The following PCSK5 variants were observed in gnomAD, a reference collection of about 807,000 sequenced individuals.
PCSK5 encodes proprotein convertase subtilisin/kexin type 5.
In PCSK5, 129 loss-of-function variants were observed where a neutral mutation model predicts 233.2. That is an observed-to-expected ratio of 0.55 (90% CI 0.48 to 0.64). PCSK5 has a LOEUF of 0.64. Ranked by LOEUF, PCSK5 falls within the 30% of genes least tolerant of loss-of-function variation. PCSK5 has a pLI of 0.00. For missense variants in PCSK5, 2,076 were observed against 2,430.1 expected, an observed-to-expected ratio of 0.85 and a Z score of 3.06; for synonymous variants, 825 against 879.2, an observed-to-expected ratio of 0.94 and a Z score of 1.09.
chr9:76,077,771 G>A (rs1332857646), intron 7 of PCSK5, among the ~76,000 whole-genome samples: 4 of 152,194 alleles, frequency 2.6e-5, no homozygotes, highest in African/African-American at 9.7e-5. Context: ...ATTCCATGGT[G>A]TATGTGTACC....
rs1564084546 is a variant in PCSK5 at position 76,178,796 on chromosome 9, G to T, written c.1901-800G>T. ...TCCAGAATATGGAGAACAAAGAAGAGAATTAAAAACTTCTATAACTAGCCC... is the reference window on the plus strand; with the variant it reads ...TCCAGAATATGGAGAACAAAGAAGATAATTAAAAACTTCTATAACTAGCCC... On this transcript the variant is annotated intron_variant, in intron 14 of 37. Transcript: ENST00000674117. 3.9e-5 allele frequency among the ~76,000 whole-genome samples: 6 copies of T among 152,140 alleles called. No individual in the cohort carries two copies. The South Asian group carries it at 1.0e-3, about 26-fold the overall frequency.
chr9:76,173,532 T>TTTTTTTTTTTTTTAA (rs1823429915), intron 13 of PCSK5, among the ~76,000 whole-genome samples: 1 of 110,784 alleles, frequency 9.0e-6, no homozygotes, highest in Admixed American at 1.0e-4. Flanking sequence ...TTTTTTTTTT[T>TTTTTTTTTTTTTTAA]ACTTTTTGCA....
chr9:75,937,821 C>G (rs1824126123), intron 2 of PCSK5, among the ~76,000 whole-genome samples: 1 of 152,210 alleles, frequency 6.6e-6, no homozygotes, highest in African/African-American at 2.4e-5. Flanking sequence ...AGCTTCTTTC[C>G]TTAAACCTCA....
chr9:76,328,836 TCTCA>T lies in PCSK5; in HGVS notation c.4570+602_4570+605del, dbSNP rs555951866. 5.9e-3 allele frequency among the ~76,000 whole-genome samples: 889 copies of T among 151,962 alleles called. 6 individuals are homozygous for T. Among genetic ancestry groups the T allele is most frequent in the African/African-American group, 0.019 (801 of 41,420 alleles). On this transcript the variant is annotated intron_variant, in intron 33 of 37. Coordinates refer to ENST00000674117, the MANE Select transcript of PCSK5 (RefSeq NM_001372043.1). ...TGTTTGTTTGTTTGTTGGGAAGGAG[TCTCA>T]CTCAGTTGCTCAGAGTGGAGTGCAG...
At chr9:76,189,607 A>C (rs1183911342) in intron 19 of PCSK5, 24 bp from the exon 20 acceptor site, 1 of 1,482,152 alleles carries the variant, frequency 6.7e-7, no homozygotes, top group South Asian at 1.1e-5. Context: ...GAATGGATTA[A>C]AAAATTGTAC....
intron 27 of PCSK5, 72 bp downstream of exon 27, chr9:76,296,937 G>GT (rs962683756): frequency 3.4e-5 from 32 of 953,836 alleles, no homozygotes; most frequent in Non-Finnish European, 4.0e-5. Flanking sequence ...TATAACTCTG[G>GT]TTTTTTTAGT....
intron 2 of PCSK5, among the ~76,000 whole-genome samples, chr9:75,947,109 G>A (rs1824611944): frequency 6.6e-6 from 1 of 152,190 alleles, no homozygotes; most frequent in South Asian, 2.1e-4. Context: ...GAATGATGAT[G>A]AGAATAATAA....
At chr9:76,043,721 A>G (rs1023084715) in intron 5 of PCSK5, among the ~76,000 whole-genome samples, 2 of 152,162 alleles carry the variant, frequency 1.3e-5, no homozygotes, top group Admixed American at 6.5e-5. Context: ...TTTGAGTCCG[A>G]GTTACGAGAC....
intron 5 of PCSK5, among the ~76,000 whole-genome samples, chr9:76,046,020 T>C (rs1416014971): frequency 6.6e-6 from 1 of 152,202 alleles, no homozygotes; most frequent in African/African-American, 2.4e-5. Flanking sequence ...AAGAATATTA[T>C]AAATAAATGC....
intron 15 of PCSK5, among the ~76,000 whole-genome samples, chr9:76,181,056 AC>A (rs1257565928): frequency 6.6e-6 from 1 of 152,216 alleles, no homozygotes; most frequent in African/African-American, 2.4e-5. Context: ...TTTTAAAGGG[AC>A]CTTTTTGAAT....
At chr9:76,101,600 T>C (rs1287175061) in intron 8 of PCSK5, among the ~76,000 whole-genome samples, 2 of 152,188 alleles carry the variant, frequency 1.3e-5, no homozygotes, top group African/African-American at 4.8e-5. Flanking sequence ...CCCCTAGTAA[T>C]TTATCTTAGT....
intron 2 of PCSK5, among the ~76,000 whole-genome samples, chr9:75,948,264 C>T (rs1362627321): frequency 1.3e-5 from 2 of 151,932 alleles, no homozygotes; most frequent in Non-Finnish European, 2.9e-5. Context: ...CTCCCATCAA[C>T]TCGTCATTTA....
intron 3 of PCSK5, among the ~76,000 whole-genome samples, chr9:75,995,283 A>G (rs1031303805): frequency 2.0e-5 from 3 of 152,244 alleles, no homozygotes; most frequent in Non-Finnish European, 4.4e-5. Flanking sequence ...AAGAAACCAT[A>G]AAAATCATCA....
chr9:76,040,797 A>G (rs1231513768), intron 5 of PCSK5, among the ~76,000 whole-genome samples: 2 of 152,232 alleles, frequency 1.3e-5, no homozygotes, highest in Non-Finnish European at 2.9e-5. Context: ...ATGAGAATTT[A>G]GTGTTTATTT....
At chr9:76,328,764 A>C (rs779591574) in intron 33 of PCSK5, among the ~76,000 whole-genome samples, 1 of 152,084 alleles carries the variant, frequency 6.6e-6, no homozygotes, top group Non-Finnish European at 1.5e-5. Context: ...CCCCTTTAGG[A>C]TTCAGGCTAG....
intron 9 of PCSK5, among the ~76,000 whole-genome samples, chr9:76,119,594 T>G (rs899692912): frequency 3.9e-5 from 6 of 152,106 alleles, no homozygotes; most frequent in Non-Finnish European, 5.9e-5. Flanking sequence ...CATTTATTAA[T>G]TAATGACTGA....
chr9:76,184,718 C>T lies in PCSK5; in HGVS notation c.2243C>T (p.Thr748Ile). The T allele has an allele frequency of 6.2e-7, 1 of 1,611,336 alleles. No individual in the cohort carries two copies. The highest frequency in any genetic ancestry group is 1.1e-5 in the South Asian group (1 of 90,962). The change falls in exon 17 of 38, where the codon ACT becomes ATT. Residue 748 changes from threonine (T) to isoleucine (I), a missense_variant. Thr to Ile is a moderately conservative substitution (Grantham distance 89). Around this residue, in one of 6 missense-constraint regions of PCSK5, gnomAD observed 1,510 missense variants for 1,538.1 expected, o/e 0.98. Transcript: ENST00000674117. ...RKCSENCKTC[T>I]EFHNCTECRD... ...TGCAGTGAAAACTGCAAGACATGTACTGAATTCCATAACTGTACAGAATGT... is the reference window on the plus strand; with the variant it reads ...TGCAGTGAAAACTGCAAGACATGTATTGAATTCCATAACTGTACAGAATGT...
At chr9:76,194,209 A>G (rs1451441948) in intron 20 of PCSK5, 1 of 152,194 alleles carries the variant, frequency 6.6e-6, no homozygotes, top group African/African-American at 2.4e-5. Flanking sequence ...GACCCTGCAC[A>G]ATCTCTTGGT....
intron 24 of PCSK5, among the ~76,000 whole-genome samples, chr9:76,262,837 G>A (rs1411716515): frequency 6.6e-6 from 1 of 151,326 alleles, no homozygotes; most frequent in Non-Finnish European, 1.5e-5. Context: ...AGAGTGAACA[G>A]GCAACCTACA....
Sources: gnomAD v4.1 joint callset for allele counts (sites outside exome capture counted in the v4.1 genomes callset) on GRCh38, gnomAD v4.1.1 for gene constraint, gnomAD v4.1.1 regional missense constraint, MANE v1.5 for transcripts, NCBI Gene and HGNC (gene_info 2026-07-23, HGNC 2026-07-21) for gene names.